Variants in FARS2 observed in about 807,000 individuals in gnomAD.
FARS2 encodes phenylalanine--tRNA ligase, mitochondrial.
FARS2 carries 40 observed loss-of-function variants against 46.4 expected under a neutral mutation model. The observed-to-expected ratio is 0.86, with a 90% CI of 0.67 to 1.12. FARS2 has a LOEUF of 1.12. Among genes scored for constraint, FARS2 ranks in the 50% most tolerant of loss-of-function variants. FARS2 has a pLI of 0.00. For missense variants in FARS2, 513 were observed against 567.9 expected (o/e 0.90, Z 0.98); for synonymous variants, 234 against 214.9 (o/e 1.09, Z -0.78).
chr6:5,510,767 C>G (rs1004448419), intron 4 of FARS2, among the ~76,000 whole-genome samples: 2 of 152,140 alleles, frequency 1.3e-5, no homozygotes, highest in Non-Finnish European at 2.9e-5. Context: ...CACCCACCCC[C>G]CTCTTGTCCT....
At chr6:5,497,444 G>A (rs1034419663) in intron 4 of FARS2, among the ~76,000 whole-genome samples, 2 of 152,152 alleles carry the variant, frequency 1.3e-5, no homozygotes, top group African/African-American at 4.8e-5. Context: ...CTTAATGTGG[G>A]ATAAAGGACA....
chr6:5,261,190 G>A (rs1205458068), upstream of FARS2: 1 of 154,852 alleles, frequency 6.5e-6, no homozygotes, highest in Non-Finnish European at 1.4e-5. Flanking sequence ...GGTCTTGGCG[G>A]AGACATTTGT....
chr6:5,532,780 TAATAAGAAGAAGAAG>T (rs1179656379), intron 4 of FARS2, among the ~76,000 whole-genome samples: 1 of 146,428 alleles, frequency 6.8e-6, no homozygotes, highest in African/African-American at 2.7e-5. Context: ...ATAATAATAA[TAATAAGAAGAAGAAG>T]AAGAAGAAGA....
chr6:5,474,731 G>A (rs1441809088), intron 4 of FARS2, among the ~76,000 whole-genome samples: 1 of 137,948 alleles, frequency 7.2e-6, no homozygotes, highest in Non-Finnish European at 1.5e-5. Flanking sequence ...CATGATCTCT[G>A]TTCACTGCAA....
At chr6:5,324,416 G>A (rs1474039046) in intron 1 of FARS2, among the ~76,000 whole-genome samples, 1 of 137,818 alleles carries the variant, frequency 7.3e-6, no homozygotes, top group Non-Finnish European at 1.6e-5. Flanking sequence ...AGGGATTGTG[G>A]TATTATTGTG....
At chr6:5,488,037 T>C (rs1360239661) in intron 4 of FARS2, among the ~76,000 whole-genome samples, 5 of 152,214 alleles carry the variant, frequency 3.3e-5, no homozygotes, top group Admixed American at 2.6e-4. Flanking sequence ...ATTATTTCTT[T>C]TGGATTTTAC....
At chr6:5,342,814 A>G (rs1463092012) in intron 1 of FARS2, among the ~76,000 whole-genome samples, 1 of 152,126 alleles carries the variant, frequency 6.6e-6, no homozygotes, top group Non-Finnish European at 1.5e-5. Flanking sequence ...AGGGGTGAAA[A>G]TTAAACATAT....
chr6:5,583,727 T>G (rs568246646), intron 5 of FARS2, among the ~76,000 whole-genome samples: 10 of 152,304 alleles, frequency 6.6e-5, no homozygotes, highest in Admixed American at 5.9e-4. Flanking sequence ...ATAACAGGCC[T>G]AAGGCCACAG....
intron 5 of FARS2, among the ~76,000 whole-genome samples, chr6:5,570,595 G>T (rs1239181495): frequency 6.6e-6 from 1 of 152,112 alleles, no homozygotes; most frequent in Non-Finnish European, 1.5e-5. Flanking sequence ...CACACCTGCT[G>T]CACAGAAAAT....
At chr6:5,545,032 C>A (rs1233335086) in intron 4 of FARS2, 148 bp from the exon 5 acceptor site, 2 of 691,806 alleles carry the variant, frequency 2.9e-6, no homozygotes, top group South Asian at 1.9e-5. Flanking sequence ...AGATTGGGCA[C>A]CCTCATGGAT....
rs183236278 is a variant in FARS2 at position 5,393,926 on chromosome 6, G to A, written c.613-10616G>A. Among the ~76,000 whole-genome samples, 345 of 152,332 alleles carry A rather than the reference G, an allele frequency of 2.3e-3. 1 individual carries two copies. Among genetic ancestry groups the A allele is most frequent in the Middle Eastern group, 0.01 (3 of 294 alleles). On this transcript the variant is annotated intron_variant, in intron 2 of 6. Transcript: ENST00000274680. ...GAGCATCCTGCTATGCATTTAGACT[G>A]AAAATGTGTTGGCTTTGGTTTTTAT...
intron 5 of FARS2, among the ~76,000 whole-genome samples, chr6:5,575,333 T>C (rs1309510178): frequency 6.6e-6 from 1 of 152,206 alleles, no homozygotes; most frequent in Non-Finnish European, 1.5e-5. Flanking sequence ...TGGCAAATAA[T>C]GATTTGGAGG....
At chr6:5,629,956 G>A (rs919054139) in intron 6 of FARS2, among the ~76,000 whole-genome samples, 18 of 152,154 alleles carry the variant, frequency 1.2e-4, no homozygotes, top group African/African-American at 4.1e-4. Flanking sequence ...GGATTAAGTA[G>A]GGGCAGCAGT....
At chr6:5,669,388 C>T (rs6918561) in intron 6 of FARS2, among the ~76,000 whole-genome samples, 55,497 of 148,270 alleles carry the variant, frequency 0.37, 10,972 homozygotes, top group East Asian at 0.66. Context: ...CACCCCCCCG[C>T]TGCCTATAAA....
At chr6:5,593,165 C>T (rs1021966694) in intron 5 of FARS2, among the ~76,000 whole-genome samples, 4 of 152,122 alleles carry the variant, frequency 2.6e-5, no homozygotes, top group Admixed American at 2.6e-4. Flanking sequence ...GAGGGGTGGA[C>T]AGAACAGACA....
chr6:5,370,667 A>G (rs989654643), intron 2 of FARS2, among the ~76,000 whole-genome samples: 1 of 152,202 alleles, frequency 6.6e-6, no homozygotes, highest in Non-Finnish European at 1.5e-5. Flanking sequence ...GAAAGAGGCA[A>G]TGAAGGCTGC....
intron 6 of FARS2, among the ~76,000 whole-genome samples, chr6:5,720,118 C>A (rs1369955744): frequency 4.0e-5 from 6 of 151,230 alleles, no homozygotes; most frequent in Admixed American, 1.3e-4. Flanking sequence ...AAAAAAAAAA[C>A]AACACTGCTG....
At chr6:5,687,483 A>C (rs1757328068) in intron 6 of FARS2, among the ~76,000 whole-genome samples, 1 of 152,084 alleles carries the variant, frequency 6.6e-6, no homozygotes, top group Non-Finnish European at 1.5e-5. Context: ...TGTTTTTCTC[A>C]GGTTTGTCAA....
intron 5 of FARS2, among the ~76,000 whole-genome samples, chr6:5,570,500 C>G (rs2150558183): frequency 6.6e-6 from 1 of 152,254 alleles, no homozygotes; most frequent in East Asian, 1.9e-4. Context: ...TTCAGTTGCC[C>G]TCTTCCTGCA....
Sources: allele counts gnomAD v4.1 joint callset (sites outside exome capture counted in the v4.1 genomes callset), GRCh38; gene constraint gnomAD v4.1.1; transcripts MANE v1.5; gene names NCBI Gene and HGNC (gene_info 2026-07-23, HGNC 2026-07-21).